The following CCSER1 variants were observed in gnomAD, a reference collection of about 807,000 sequenced individuals.
CCSER1 encodes the protein serine-rich coiled-coil domain-containing protein 1.
Under a neutral mutation model 82.0 loss-of-function variants are expected in CCSER1, and 41 were observed. The ratio of observed to expected loss-of-function variants is 0.50; its 90% CI spans 0.39 to 0.65. The LOEUF (loss-of-function observed/expected upper bound fraction) is 0.65. Ranked by LOEUF, CCSER1 falls within the 30% of genes least tolerant of loss-of-function variation. The pLI is 0.00. For synonymous variants in CCSER1, 414 were observed against 383.9 expected (o/e 1.08, Z -0.92); for missense variants, 1,119 against 1,064.2 (o/e 1.05, Z -0.72).
At chr4:90,535,010 TA>T (rs1373333949) in intron 5 of CCSER1, among the ~76,000 whole-genome samples, 2 of 152,156 alleles carry the variant, frequency 1.3e-5, no homozygotes, top group African/African-American at 2.4e-5. Flanking sequence ...GCATCTGAAA[TA>T]TTGAGGAACA....
At chr4:90,451,575 G>A (rs1054390819) in intron 4 of CCSER1, among the ~76,000 whole-genome samples, 1 of 152,164 alleles carries the variant, frequency 6.6e-6, no homozygotes, top group Admixed American at 6.5e-5. Flanking sequence ...AACCCAGCTG[G>A]AACCCAGCTG....
chr4:90,242,203 A>G (rs943433549), intron 1 of CCSER1, among the ~76,000 whole-genome samples: 8 of 152,196 alleles, frequency 5.3e-5, no homozygotes, highest in African/African-American at 1.9e-4. Context: ...GTTACTTGGG[A>G]GGTTGAGGCA....
chr4:91,009,524 TC>T (rs1264183087), intron 9 of CCSER1, among the ~76,000 whole-genome samples: 1 of 152,202 alleles, frequency 6.6e-6, no homozygotes, highest in African/African-American at 2.4e-5. Context: ...TAGTCCTGTC[TC>T]TCACTGACAT....
intron 7 of CCSER1, among the ~76,000 whole-genome samples, chr4:90,758,476 G>A (rs1749905386): frequency 6.6e-6 from 1 of 151,926 alleles, no homozygotes; most frequent in African/African-American, 2.4e-5. Context: ...ATACATGATA[G>A]GTGATCATTT....
At chr4:91,127,284 TGA>T (rs1727602704) in intron 10 of CCSER1, among the ~76,000 whole-genome samples, 1 of 151,936 alleles carries the variant, frequency 6.6e-6, no homozygotes. Flanking sequence ...TGAAAAAAAT[TGA>T]GAGATCCTGA....
chr4:90,695,644 C>T (rs1487628011), intron 6 of CCSER1, among the ~76,000 whole-genome samples: 1 of 152,002 alleles, frequency 6.6e-6, no homozygotes, highest in Non-Finnish European at 1.5e-5. Flanking sequence ...GGGACTTTTA[C>T]TTGCTCCTTT....
At chr4:90,615,199 G>T (rs1451730018) in intron 5 of CCSER1, among the ~76,000 whole-genome samples, 1 of 152,130 alleles carries the variant, frequency 6.6e-6, no homozygotes, top group East Asian at 1.9e-4. Context: ...AATGCACCTG[G>T]TCAACCAAGC....
intron 8 of CCSER1, among the ~76,000 whole-genome samples, chr4:90,887,481 C>G (rs924824577): frequency 6.6e-6 from 1 of 152,184 alleles, no homozygotes; most frequent in African/African-American, 2.4e-5. Flanking sequence ...CAAATCTATT[C>G]TTGCACCATT....
chr4:90,850,537 A>G (rs1196472644), intron 8 of CCSER1, among the ~76,000 whole-genome samples: 1 of 152,356 alleles, frequency 6.6e-6, no homozygotes, highest in East Asian at 1.9e-4. Flanking sequence ...TGAGACATAG[A>G]GTCAAAAGAG....
intron 4 of CCSER1, among the ~76,000 whole-genome samples, chr4:90,437,467 TAG>T (rs1177547194): frequency 6.6e-6 from 1 of 152,184 alleles, no homozygotes; most frequent in Non-Finnish European, 1.5e-5. Flanking sequence ...AACTTAAATT[TAG>T]ATTTCCCTTT....
At chr4:90,885,112 A>G (rs1245753258) in intron 8 of CCSER1, among the ~76,000 whole-genome samples, 1 of 152,144 alleles carries the variant, frequency 6.6e-6, no homozygotes, top group Admixed American at 6.6e-5. Flanking sequence ...TCATTGAAAA[A>G]CTTATAGTAA....
chr4:90,830,784 T>C (rs536872537), intron 8 of CCSER1, among the ~76,000 whole-genome samples: 2 of 152,288 alleles, frequency 1.3e-5, no homozygotes, highest in Admixed American at 6.5e-5. Flanking sequence ...CTTTTGTTAA[T>C]TGTCCTTGGA....
At chr4:90,991,611 C>G (rs1365364859) in intron 9 of CCSER1, among the ~76,000 whole-genome samples, 3 of 151,934 alleles carry the variant, frequency 2.0e-5, no homozygotes, top group East Asian at 1.9e-4. Flanking sequence ...TTCTAAGGAT[C>G]TCAGTCATAT....
At chr4:90,497,173 T>A (rs1560614093) in intron 5 of CCSER1, among the ~76,000 whole-genome samples, 1 of 152,252 alleles carries the variant, frequency 6.6e-6, no homozygotes, top group East Asian at 1.9e-4. Flanking sequence ...ACAGTACTAG[T>A]CATCCACATT....
intron 4 of CCSER1, among the ~76,000 whole-genome samples, chr4:90,429,085 G>A (rs1560504609): frequency 1.3e-5 from 2 of 151,702 alleles, no homozygotes; most frequent in South Asian, 2.1e-4. Flanking sequence ...GTGTGTGTTG[G>A]GGGGTATTAT....
chr4:91,228,357 T>C (rs1485266025), intron 10 of CCSER1, among the ~76,000 whole-genome samples: 1 of 152,088 alleles, frequency 6.6e-6, no homozygotes, highest in African/African-American at 2.4e-5. Context: ...AGATTGTTTA[T>C]AAGGAAGCAC....
At chr4:90,459,407 A>T (rs956871302) in intron 4 of CCSER1, among the ~76,000 whole-genome samples, 2 of 152,108 alleles carry the variant, frequency 1.3e-5, no homozygotes, top group Admixed American at 6.5e-5. Flanking sequence ...GTCCCCCTAA[A>T]ATGCTCTTTA....
intron 10 of CCSER1, among the ~76,000 whole-genome samples, chr4:91,284,385 T>A (rs982962484): frequency 5.3e-5 from 8 of 152,054 alleles, no homozygotes; most frequent in Admixed American, 1.3e-4. Context: ...TTTAGAAAAT[T>A]GAAATTAATC....
intron 6 of CCSER1, among the ~76,000 whole-genome samples, chr4:90,646,571 A>G (rs1198299080): frequency 6.6e-6 from 1 of 152,220 alleles, no homozygotes; most frequent in African/African-American, 2.4e-5. Context: ...TAAACCAGGA[A>G]GTATGTCTGC....
Sources: gnomAD v4.1 joint callset for allele counts (sites outside exome capture counted in the v4.1 genomes callset) on GRCh38, gnomAD v4.1.1 for gene constraint, MANE v1.5 for transcripts, NCBI Gene and HGNC (gene_info 2026-07-23, HGNC 2026-07-21) for gene names.